Variants in NYAP2 observed in about 807,000 individuals in gnomAD.
The protein encoded by NYAP2 is neuronal tyrosine-phosphorylated phosphoinositide-3-kinase adaptor 2, also known as neuronal tyrosine-phosphorylated phosphoinositide-3-kinase adapter 2.
In NYAP2, 23 loss-of-function variants were observed where a neutral mutation model predicts 50.4. The ratio of observed to expected loss-of-function variants is 0.46; its 90% CI spans 0.33 to 0.65. The LOEUF (loss-of-function observed/expected upper bound fraction) is 0.65. NYAP2 is among the 30% of genes least tolerant of loss of function. NYAP2 has a pLI of 0.02. For missense variants in NYAP2, 885 were observed against 861.0 expected, an observed-to-expected ratio of 1.03 and a Z score of -0.35; for synonymous variants, 394 against 365.2, an observed-to-expected ratio of 1.08 and a Z score of -0.90.
At chr2:225,584,970 G>C (rs114058633) in intron 5 of NYAP2, among the ~76,000 whole-genome samples, 4,236 of 152,278 alleles carry the variant, frequency 0.028, 193 homozygotes, top group African/African-American at 0.096. Context: ...ACTACAGGGG[G>C]TGTTACTGAC....
chr2:225,547,268 A>G (rs1410577546), intron 4 of NYAP2, among the ~76,000 whole-genome samples: 2 of 151,804 alleles, frequency 1.3e-5, no homozygotes, highest in East Asian at 1.9e-4. Context: ...CTAGCAATTT[A>G]CTCCACTATT....
At chr2:225,446,989 C>T (rs1689574572) in intron 3 of NYAP2, among the ~76,000 whole-genome samples, 1 of 151,968 alleles carries the variant, frequency 6.6e-6, no homozygotes, top group African/African-American at 2.4e-5. Context: ...CCAAGCTAAA[C>T]TACAGCCAAG....
At chr2:225,563,174 A>G (rs1691903491) in intron 4 of NYAP2, among the ~76,000 whole-genome samples, 1 of 152,170 alleles carries the variant, frequency 6.6e-6, no homozygotes, top group Non-Finnish European at 1.5e-5. Flanking sequence ...AAGGAGAAGG[A>G]CATTAAGCAA....
intron 4 of NYAP2, among the ~76,000 whole-genome samples, chr2:225,556,323 A>C (rs1366357654): frequency 6.6e-6 from 1 of 152,208 alleles, no homozygotes; most frequent in Non-Finnish European, 1.5e-5. Flanking sequence ...TATTTAATAG[A>C]TATAATTTTA....
At chr2:225,659,440 C>T in the NYAP2 span, among the ~76,000 whole-genome samples, 95,387 of 152,026 alleles carry the variant, frequency 0.63, 30,907 homozygotes, top group South Asian at 0.82. Flanking sequence ...AGGTGTGTTC[C>T]CTACAGTCCT....
chr2:225,566,745 A>T (rs1034157202), intron 4 of NYAP2, among the ~76,000 whole-genome samples: 3 of 152,194 alleles, frequency 2.0e-5, no homozygotes, highest in African/African-American at 7.2e-5. Context: ...AAAGAGAAAA[A>T]AGAGTTATCA....
At chr2:225,638,818 C>T (rs997462562) in intron 6 of NYAP2, among the ~76,000 whole-genome samples, 1 of 152,140 alleles carries the variant, frequency 6.6e-6, no homozygotes, top group Non-Finnish European at 1.5e-5. Flanking sequence ...TGTTTCTGCC[C>T]AGATGAGAGC....
intron 4 of NYAP2, among the ~76,000 whole-genome samples, chr2:225,524,328 G>T (rs1195145047): frequency 1.3e-5 from 2 of 152,156 alleles, no homozygotes; most frequent in Non-Finnish European, 2.9e-5. Context: ...GAAAGATGAA[G>T]GTTGGAAGAC....
At chr2:225,566,879 C>G (rs970183499) in intron 4 of NYAP2, among the ~76,000 whole-genome samples, 1 of 152,084 alleles carries the variant, frequency 6.6e-6, no homozygotes, top group Non-Finnish European at 1.5e-5. Flanking sequence ...GATAAAACCA[C>G]TCATAGATCT....
intron 4 of NYAP2, among the ~76,000 whole-genome samples, chr2:225,519,570 C>T (rs1195391953): frequency 1.3e-5 from 2 of 151,970 alleles, no homozygotes; most frequent in Non-Finnish European, 1.5e-5. Context: ...TGATTTCCAG[C>T]TTCATCCATG....
At chr2:225,511,573 A>AG (rs1690819255) in intron 3 of NYAP2, among the ~76,000 whole-genome samples, 1 of 152,136 alleles carries the variant, frequency 6.6e-6, no homozygotes, top group Admixed American at 6.6e-5. Context: ...TCTGAGTATC[A>AG]GTTGAAAATA....
intron 3 of NYAP2, among the ~76,000 whole-genome samples, chr2:225,411,999 TATA>T (rs1409357305): frequency 6.7e-6 from 1 of 149,094 alleles, no homozygotes; most frequent in African/African-American, 2.4e-5. Context: ...TATATTATAC[TATA>T]ATAATATTAT....
chr2:225,421,950 T>A (rs956030894), intron 3 of NYAP2, among the ~76,000 whole-genome samples: 1 of 152,144 alleles, frequency 6.6e-6, no homozygotes, highest in Non-Finnish European at 1.5e-5. Context: ...TATTCTTGAT[T>A]TGTTTTTTTC....
At chr2:225,485,582 G>A (rs1311096414) in intron 3 of NYAP2, among the ~76,000 whole-genome samples, 1 of 152,156 alleles carries the variant, frequency 6.6e-6, no homozygotes, top group Non-Finnish European at 1.5e-5. Flanking sequence ...CAATGGTGGG[G>A]AGGAGCCAGA....
intron 5 of NYAP2, among the ~76,000 whole-genome samples, chr2:225,623,751 T>C (rs1693164003): frequency 2.0e-5 from 3 of 152,226 alleles, no homozygotes; most frequent in Admixed American, 2.0e-4. Flanking sequence ...GCTTGCTCTA[T>C]TTAAAAATAC....
intron 3 of NYAP2, among the ~76,000 whole-genome samples, chr2:225,432,877 A>G (rs1689291958): frequency 6.6e-6 from 1 of 152,124 alleles, no homozygotes; most frequent in Admixed American, 6.5e-5. Flanking sequence ...TCTGGCATAC[A>G]TATTTTAGCG....
At chr2:225,656,883 G>A (rs1166287458), downstream of NYAP2, among the ~76,000 whole-genome samples, 2 of 151,994 alleles carry the variant, frequency 1.3e-5, no homozygotes, top group Non-Finnish European at 2.9e-5. Context: ...CTGTATATGC[G>A]CTTCAAAAAA....
chr2:225,648,514 G>C (rs1341458416), intron 6 of NYAP2, among the ~76,000 whole-genome samples: 1 of 152,062 alleles, frequency 6.6e-6, no homozygotes, highest in Non-Finnish European at 1.5e-5. Flanking sequence ...AGAGATTATG[G>C]GGAGGTTTCT....
chr2:225,651,406 TTG>T, intron 6 of NYAP2, 24 bp from the exon 7 acceptor site: 1 of 1,613,846 alleles, frequency 6.2e-7, no homozygotes, highest in South Asian at 1.1e-5. Context: ...TCAGCTAATA[TTG>T]TGTCTTTTTC....
Sources: gnomAD v4.1 joint callset for allele counts (sites outside exome capture counted in the v4.1 genomes callset) on GRCh38, gnomAD v4.1.1 for gene constraint, MANE v1.5 for transcripts, NCBI Gene and HGNC (gene_info 2026-07-23, HGNC 2026-07-21) for gene names.